Variants in ZNF26 observed in about 807,000 individuals in gnomAD.
The protein encoded by ZNF26 is zinc finger protein 26, also known as epididymis luminal protein 179.
A neutral mutation model predicts 54.9 loss-of-function variants in ZNF26; 32 were observed. That is an observed-to-expected ratio of 0.58 (90% confidence interval 0.44 to 0.78). ZNF26 has a LOEUF of 0.78. Among genes scored for constraint, ZNF26 ranks in the 30% least tolerant of loss-of-function variants. ZNF26 has a pLI of 0.00. For missense variants in ZNF26, 524 were observed against 634.0 expected, an observed-to-expected ratio of 0.83 and a Z score of 1.86; for synonymous variants, 221 against 209.2, an observed-to-expected ratio of 1.06 and a Z score of -0.49.
rs1405565903 is a variant in ZNF26, at chr12:133,024,501, G to A, written c.*13020G>A. The stretch of plus-strand genomic sequence containing the variant: ...CTCCTCATTGCTTATAATAAAATGA[G>A]AGGAAAGAGAACTAAAAAATGAACC... On this transcript the variant is annotated 3_prime_UTR_variant, in exon 4 of 4. Transcript: ENST00000328654. 1 of 152,150 alleles carries A rather than the reference G, an allele frequency of 6.6e-6. No individual in the cohort carries two copies. The highest frequency in any genetic ancestry group is 1.5e-5 in the Non-Finnish European group (1 of 68,024). 9.4% of individuals were successfully genotyped at this position (152,150 alleles called of 1,614,324 possible).
chr12:133,005,403 G>C (rs1377027965), intron 1 of ZNF26: 2 of 152,106 alleles, frequency 1.3e-5, no homozygotes, highest in East Asian at 3.9e-4. Context: ...GGGTTTCACC[G>C]TGTTGGTCAG....
intron 1 of ZNF26, among the ~76,000 whole-genome samples, chr12:133,002,016 C>G (rs996848440): frequency 6.6e-6 from 1 of 152,132 alleles, no homozygotes. Context: ...ATACCCGCTT[C>G]CCTTTCTTCT....
At chr12:133,006,390 G>A (rs1044371170) in intron 1 of ZNF26, 5 of 694,586 alleles carry the variant, frequency 7.2e-6, no homozygotes, top group Non-Finnish European at 8.9e-6. Context: ...TACTTGAGTG[G>A]CTCTCTTCAT....
At chr12:132,997,397 GA>G (rs1465525827) in intron 1 of ZNF26, among the ~76,000 whole-genome samples, 1 of 152,084 alleles carries the variant, frequency 6.6e-6, no homozygotes, top group Non-Finnish European at 1.5e-5. Flanking sequence ...TAGCTTCCAA[GA>G]TGGAGTCCAG....
At chr12:132,997,262 G>A (rs1488203621) in intron 1 of ZNF26, among the ~76,000 whole-genome samples, 1 of 151,876 alleles carries the variant, frequency 6.6e-6, no homozygotes, top group Non-Finnish European at 1.5e-5. Flanking sequence ...TTAATCAGAA[G>A]CTCACATGGT....
At position 133,010,991 on chromosome 12, in the gene ZNF26, A is replaced by G; in HGVS notation, c.1112A>G (p.Gln371Arg). Residue 371 changes from glutamine (Q) to arginine (R), a missense_variant, in exon 4 of 4, where the codon CAA (glutamine) becomes CGA (arginine). Coordinates refer to ENST00000328654, the MANE Select transcript of ZNF26 (RefSeq NM_019591.4). ...QGVHTGNNPY[Q>R]CGECGKAFGR... Reference sequence around the variant, plus strand: ...GTTCACACAGGAAATAATCCTTATCAATGCGGTGAATGTGGGAAAGCCTTT... The same window carrying G: ...GTTCACACAGGAAATAATCCTTATCGATGCGGTGAATGTGGGAAAGCCTTT... 6.2e-7 allele frequency: 1 copy of G among 1,613,956 alleles called. No homozygotes were observed. Among genetic ancestry groups the G allele is most frequent in the South Asian group, 1.1e-5 (1 of 91,058 alleles).
At position 133,023,605 on chromosome 12, in the gene ZNF26, T is replaced by C. The variant is rs982860147; in HGVS notation, c.*12124T>C. Reference sequence around the variant, plus strand: ...GGAAATTACAATAATCAACCATGTTTTACATATGTGGCAGATTTTATTTTC... The same window carrying C: ...GGAAATTACAATAATCAACCATGTTCTACATATGTGGCAGATTTTATTTTC... On this transcript the variant is annotated 3_prime_UTR_variant, in exon 4 of 4. Transcript: ENST00000328654. 6.6e-6 allele frequency: 1 copy of C among 151,100 alleles called. No homozygotes were observed. The highest frequency in any genetic ancestry group is 2.0e-4 in the East Asian group (1 of 5,096). 9.4% of individuals were successfully genotyped at this position (151,100 alleles called of 1,614,324 possible).
rs1408927435 is a variant in ZNF26, at chr12:133,017,060, C to T, written c.*5579C>T. 1.3e-5 allele frequency: 2 copies of T among 151,814 alleles called. No individual in the cohort carries two copies. The highest frequency in any genetic ancestry group is 2.1e-4 in the South Asian group (1 of 4,830). 9.4% of individuals were successfully genotyped at this position (151,814 alleles called of 1,614,324 possible). A position where few individuals can be genotyped will look rare whatever the true frequency, so the allele number is the denominator to read the frequency against. ...GTCATTTTAAACAAAATATTTAATA[C>T]CAAGAAAGTTGGAAACATAAAAAAA... On this transcript the variant is annotated 3_prime_UTR_variant, in exon 4 of 4. Coordinates refer to ENST00000328654, the MANE Select transcript of ZNF26 (RefSeq NM_019591.4).
chr12:133,006,095 A>G, intron 1 of ZNF26: 2 of 984,982 alleles, frequency 2.0e-6, no homozygotes, highest in Non-Finnish European at 2.4e-6. Context: ...CAGAAACTCC[A>G]TTTCTGAATT....
intron 1 of ZNF26, among the ~76,000 whole-genome samples, chr12:133,002,164 C>T (rs1204188066): frequency 6.6e-6 from 1 of 152,160 alleles, no homozygotes; most frequent in African/African-American, 2.4e-5. Flanking sequence ...TATCCCCAGG[C>T]TTCTCCACCT....
In ZNF26 at chr12:133,011,608, A is replaced by G. The variant is rs1953475022; in HGVS notation, c.*127A>G. ...AAATCAGAGAGGAGAGAGACCAACCATATTTGGGATGAGTGTAAAAGCTTT... is the reference window on the plus strand; with the variant it reads ...AAATCAGAGAGGAGAGAGACCAACCGTATTTGGGATGAGTGTAAAAGCTTT... On this transcript the variant is annotated 3_prime_UTR_variant, in exon 4 of 4. Coordinates refer to ENST00000328654, the MANE Select transcript of ZNF26 (RefSeq NM_019591.4). The G allele has an allele frequency of 8.7e-6, 8 of 917,928 alleles. No individual in the cohort carries two copies. In the South Asian group the frequency reaches 1.5e-4, roughly 17 times the overall value. 56.9% of individuals were successfully genotyped at this position (917,928 alleles called of 1,614,324 possible).
intron 1 of ZNF26, among the ~76,000 whole-genome samples, chr12:132,993,403 T>G (rs957336460): frequency 6.6e-6 from 1 of 152,142 alleles, no homozygotes; most frequent in Non-Finnish European, 1.5e-5. Context: ...TTAAGTTTTG[T>G]CTGATACCTT....
intron 1 of ZNF26, among the ~76,000 whole-genome samples, chr12:132,996,537 ATTAG>A (rs1953088278): frequency 6.6e-6 from 1 of 152,242 alleles, no homozygotes; most frequent in Non-Finnish European, 1.5e-5. Flanking sequence ...AGTTAGAATT[ATTAG>A]GTGAAATAAA....
Position 133,010,628 on chromosome 12 carries a change from A to T in ZNF26, c.749A>T (p.Glu250Val). Reference sequence around the variant, plus strand: ...AGGTCACAGCTCATTGTCCATCAGGAAATTCACACAGGAGGGAAACCCTAT... The same window carrying T: ...AGGTCACAGCTCATTGTCCATCAGGTAATTCACACAGGAGGGAAACCCTAT... The part of the protein sequence containing the change: ...SFRSQLIVHQ[E>V]IHTGGKPYGC... The change falls in exon 4 of 4, where the codon GAA becomes GTA. Residue 250 changes from glutamate to valine, a missense_variant. Physicochemically the swap from Glu to Val is moderately radical, Grantham distance 121. Coordinates refer to ENST00000328654, the MANE Select transcript of ZNF26 (RefSeq NM_019591.4). 6.2e-7 allele frequency: 1 copy of T among 1,614,154 alleles called. No individual in the cohort carries two copies. The highest frequency in any genetic ancestry group is 1.7e-5 in the Admixed American group (1 of 60,008).
intron 1 of ZNF26, chr12:133,006,746 C>A: frequency 3.7e-6 from 1 of 270,284 alleles, no homozygotes; most frequent in Non-Finnish European, 7.2e-6. Context: ...AAGTGCCTGC[C>A]ACTGCGCCCA....
At chr12:133,003,098 A>G (rs2137242336) in intron 1 of ZNF26, among the ~76,000 whole-genome samples, 1 of 151,972 alleles carries the variant, frequency 6.6e-6, no homozygotes, top group East Asian at 1.9e-4. Context: ...ACTGTTCCCA[A>G]AGCTTTTGGG....
chr12:132,990,486 A>G (rs1209689353), intron 1 of ZNF26, among the ~76,000 whole-genome samples: 2 of 152,050 alleles, frequency 1.3e-5, no homozygotes, highest in African/African-American at 2.4e-5. Flanking sequence ...ATCTATATTT[A>G]TGAGATAATT....
At position 133,010,219 on chromosome 12, in the gene ZNF26, C is replaced by G; in HGVS notation, c.340C>G (p.Leu114Val). The G allele has an allele frequency of 6.2e-7, 1 of 1,614,034 alleles. No individual in the cohort carries two copies. Among genetic ancestry groups the G allele is most frequent in the Non-Finnish European group, 8.5e-7 (1 of 1,180,002 alleles). Residue 114 changes from leucine to valine, a missense_variant, in exon 4 of 4, where the codon CTT (leucine) becomes GTT (valine). Leu to Val is a conservative substitution (Grantham distance 32). Coordinates refer to ENST00000328654, the MANE Select transcript of ZNF26 (RefSeq NM_019591.4). ...CTATGCTTGTAGTGTGTTGGGAAGACTTAATCTGAGCAAAACCCATGATTC... is the reference window on the plus strand; with the variant it reads ...CTATGCTTGTAGTGTGTTGGGAAGAGTTAATCTGAGCAAAACCCATGATTC... ...RSYACSVLGR[L>V]NLSKTHDSSR...
chr12:133,007,639 T>G lies in ZNF26; in HGVS notation c.256+107T>G. On this transcript the variant is annotated intron_variant, in intron 3 of 3. Transcript: ENST00000328654. ...CTTCAGAAATGCTTCTGGAAGTCCT[T>G]GAGCTATTGGAGCTGACTCAGGATG... The G allele has an allele frequency of 4.0e-6, 3 of 757,302 alleles. No homozygotes were observed. The South Asian group carries it at 6.1e-5, about 15-fold the overall frequency. The allele number at this position is 757,302 out of a possible 1,614,324, so 46.9% of individuals were successfully genotyped here.
Sources: allele counts gnomAD v4.1 joint callset (sites outside exome capture counted in the v4.1 genomes callset), GRCh38; gene constraint gnomAD v4.1.1; transcripts MANE v1.5; gene names NCBI Gene and HGNC (gene_info 2026-07-23, HGNC 2026-07-21).